NAALADL2: variants seen among roughly 807,000 people sequenced by gnomAD.
NAALADL2 encodes inactive N-acetylated-alpha-linked acidic dipeptidase-like protein 2.
A neutral mutation model predicts 87.2 loss-of-function variants in NAALADL2; 76 were observed. The observed-to-expected ratio is 0.87, with a 90% confidence interval of 0.72 to 1.05. The LOEUF (loss-of-function observed/expected upper bound fraction) is 1.05. Ranked by LOEUF, NAALADL2 falls within the 50% of genes least tolerant of loss-of-function variation. The pLI, the probability that NAALADL2 is intolerant of heterozygous loss-of-function variation, is 0.00. For missense variants in NAALADL2, 1,089 were observed against 945.8 expected, an observed-to-expected ratio of 1.15 and a Z score of -1.99; for synonymous variants, 354 against 331.0, an observed-to-expected ratio of 1.07 and a Z score of -0.75.
At chr3:174,724,043 C>G (rs1185523530) in intron 2 of NAALADL2, among the ~76,000 whole-genome samples, 2 of 152,094 alleles carry the variant, frequency 1.3e-5, no homozygotes, top group East Asian at 3.9e-4. Flanking sequence ...TTGGAGATGA[C>G]TATTTTGCTA....
rs143786978 is a variant in NAALADL2, at chr3:175,272,099, C to G, written c.939+15569C>G. Among the ~76,000 whole-genome samples the G allele has an allele frequency of 2.5e-3, 382 of 152,206 alleles. 3 individuals carry two copies. Among genetic ancestry groups the G allele is most frequent in the African/African-American group, 8.6e-3 (358 of 41,530 alleles). On this transcript the variant is annotated intron_variant, in intron 4 of 13. Coordinates refer to ENST00000454872, the MANE Select transcript of NAALADL2 (RefSeq NM_207015.3). Reference sequence around the variant, plus strand: ...CAAACAAAAAGTAAGAAGCCCAGAACGTTACCACATATTAGTGATGGTTTT... The same window carrying G: ...CAAACAAAAAGTAAGAAGCCCAGAAGGTTACCACATATTAGTGATGGTTTT...
chr3:175,135,054 T>C (rs938432108), intron 2 of NAALADL2, among the ~76,000 whole-genome samples: 18 of 152,318 alleles, frequency 1.2e-4, no homozygotes, highest in African/African-American at 4.3e-4. Context: ...TTCCTTATGT[T>C]GTCTATAGCT....
intron 5 of NAALADL2, among the ~76,000 whole-genome samples, chr3:175,404,996 G>T (rs1197622384): frequency 6.6e-6 from 1 of 151,980 alleles, no homozygotes; most frequent in African/African-American, 2.4e-5. Flanking sequence ...AATAGAAATG[G>T]ATTTTCACAA....
intron 5 of NAALADL2, among the ~76,000 whole-genome samples, chr3:175,358,973 C>T (rs1764687121): frequency 6.6e-6 from 1 of 152,062 alleles, no homozygotes; most frequent in Admixed American, 6.6e-5. Context: ...AGCCATGGAA[C>T]TGTAAAACAA....
chr3:175,081,435 A>C (rs546375225), intron 1 of NAALADL2, among the ~76,000 whole-genome samples: 7 of 152,182 alleles, frequency 4.6e-5, no homozygotes, highest in Non-Finnish European at 7.3e-5. Flanking sequence ...TAATGTCTTT[A>C]ATACCAGCTT....
chr3:174,916,475 T>C (rs1238188223), intron 1 of NAALADL2, among the ~76,000 whole-genome samples: 7 of 152,138 alleles, frequency 4.6e-5, no homozygotes, highest in Admixed American at 3.9e-4. Context: ...TAAATGCTCA[T>C]TGACCAATGA....
At chr3:174,456,411 CAAAAAAA>C (rs59833697) in intron 1 of NAALADL2, among the ~76,000 whole-genome samples, 17 of 56,382 alleles carry the variant, frequency 3.0e-4, no homozygotes, top group South Asian at 7.2e-4. Flanking sequence ...CAATCCTAAG[CAAAAAAA>C]AAAAAAAAAA....
chr3:175,424,180 T>A (rs1277098065), intron 5 of NAALADL2, among the ~76,000 whole-genome samples: 1 of 152,208 alleles, frequency 6.6e-6, no homozygotes, highest in Non-Finnish European at 1.5e-5. Flanking sequence ...CTTTGTCAGA[T>A]GCAAAAATTT....
intron 1 of NAALADL2, among the ~76,000 whole-genome samples, chr3:174,904,083 A>G (rs1330267067): frequency 6.6e-6 from 1 of 151,716 alleles, no homozygotes; most frequent in Admixed American, 6.6e-5. Flanking sequence ...ATATAGTTAT[A>G]TAGATATGGA....
intron 1 of NAALADL2, among the ~76,000 whole-genome samples, chr3:174,466,005 T>C (rs1716509803): frequency 6.6e-6 from 1 of 152,146 alleles, no homozygotes; most frequent in Non-Finnish European, 1.5e-5. Context: ...ACAGTGGTGG[T>C]AGAGTAGTCC....
chr3:175,098,282 G>A (rs143169949), intron 2 of NAALADL2, among the ~76,000 whole-genome samples: 21 of 152,208 alleles, frequency 1.4e-4, no homozygotes, highest in Middle Eastern at 3.4e-3. Context: ...AAGATATGCT[G>A]TTACCTTATA....
intron 1 of NAALADL2, among the ~76,000 whole-genome samples, chr3:174,520,713 C>A (rs76524788): frequency 0.029 from 4,449 of 152,170 alleles, 208 homozygotes; most frequent in African/African-American, 0.1. Flanking sequence ...AATAGGATTT[C>A]ATCAAACTTA....
intron 1 of NAALADL2, among the ~76,000 whole-genome samples, chr3:174,873,668 A>C (rs1293481129): frequency 6.6e-6 from 1 of 152,070 alleles, no homozygotes; most frequent in Admixed American, 6.6e-5. Flanking sequence ...CATGATTTGA[A>C]TTTTACATTT....
intron 2 of NAALADL2, among the ~76,000 whole-genome samples, chr3:175,192,489 A>G (rs938688191): frequency 7.9e-5 from 12 of 152,014 alleles, no homozygotes; most frequent in African/African-American, 2.9e-4. Flanking sequence ...AGTCTGTTTA[A>G]TGTATTTGTG....
chr3:175,100,952 C>T (rs1722051850), intron 2 of NAALADL2, among the ~76,000 whole-genome samples: 1 of 151,234 alleles, frequency 6.6e-6, no homozygotes, highest in African/African-American at 2.4e-5. Flanking sequence ...GGGCAGGAGG[C>T]TTGGAGAGGG....
intron 1 of NAALADL2, among the ~76,000 whole-genome samples, chr3:174,979,337 G>A (rs1187573296): frequency 3.4e-5 from 4 of 119,000 alleles, no homozygotes; most frequent in East Asian, 2.3e-4. Flanking sequence ...ACGGAGTCTC[G>A]CTCTGTTGCC....
chr3:175,626,772 AT>A lies in NAALADL2; in HGVS notation c.1801-517del, dbSNP rs1479253159. On this transcript the variant is annotated intron_variant, in intron 10 of 13. Coordinates refer to ENST00000454872, the MANE Select transcript of NAALADL2 (RefSeq NM_207015.3). ...GCTTTTATCTTTCCACCTCTTAAGT[AT>A]TGGTGCCACTCAGAGATCTTACCAC... 2.0e-5 allele frequency among the ~76,000 whole-genome samples: 3 copies of A among 151,972 alleles called. No individual in the cohort carries two copies. In the East Asian group the frequency reaches 5.8e-4, roughly 29 times the overall value.
intron 2 of NAALADL2, among the ~76,000 whole-genome samples, chr3:174,714,740 C>G (rs1415015976): frequency 6.6e-6 from 1 of 152,132 alleles, no homozygotes; most frequent in Admixed American, 6.5e-5. Context: ...ATGTCATCTG[C>G]AAACAGGGAC....
At chr3:175,494,368 T>C (rs1485656097) in intron 9 of NAALADL2, among the ~76,000 whole-genome samples, 1 of 152,118 alleles carries the variant, frequency 6.6e-6, no homozygotes, top group Admixed American at 6.6e-5. Context: ...AGAGTAACAA[T>C]GTCTGTTTAT....
Sources: gnomAD v4.1 joint callset for allele counts (sites outside exome capture counted in the v4.1 genomes callset) on GRCh38, gnomAD v4.1.1 for gene constraint, MANE v1.5 for transcripts, NCBI Gene and HGNC (gene_info 2026-07-23, HGNC 2026-07-21) for gene names.